Variants in SLC14A2 observed in about 807,000 individuals in gnomAD.
SLC14A2 encodes the protein solute carrier family 14 member 2.
A neutral mutation model predicts 104.6 loss-of-function variants in SLC14A2; 91 were observed. That is an observed-to-expected ratio of 0.87 (90% CI 0.73 to 1.04). The LOEUF is 1.04. Ranked by LOEUF, SLC14A2 falls within the 50% of genes least tolerant of loss-of-function variation. The probability of loss-of-function intolerance (pLI) is 0.00; values close to 1 mark genes in which losing one functional copy is unlikely to be tolerated. For synonymous variants in SLC14A2, 476 were observed against 466.4 expected (o/e 1.02, Z -0.27); for missense variants, 1,189 against 1,156.0 (o/e 1.03, Z -0.41).
chr18:45,334,482 A>G (rs547594296), intron 1 of SLC14A2, among the ~76,000 whole-genome samples: 2 of 152,300 alleles, frequency 1.3e-5, no homozygotes, highest in East Asian at 3.9e-4. Context: ...TTCCCATTAC[A>G]CCACCTGAAG....
At chr18:45,196,195 G>A in the SLC14A2 span, among the ~76,000 whole-genome samples, 1 of 152,224 alleles carries the variant, frequency 6.6e-6, no homozygotes, top group East Asian at 1.9e-4. Flanking sequence ...AATTCAGTAT[G>A]TACACAGAAA....
At chr18:45,453,112 A>C (rs902330639) in intron 1 of SLC14A2, among the ~76,000 whole-genome samples, 1 of 152,180 alleles carries the variant, frequency 6.6e-6, no homozygotes, top group Non-Finnish European at 1.5e-5. Flanking sequence ...TCTAGCCTTG[A>C]GGATATCTTC....
At chr18:45,651,657 G>A (rs4890568) in intron 10 of SLC14A2, among the ~76,000 whole-genome samples, 140,886 of 152,238 alleles carry the variant, frequency 0.93, 65,311 homozygotes, top group Middle Eastern at 0.96. Context: ...TAACCAGACC[G>A]GATTACCACT....
the SLC14A2 span, chr18:45,168,471 A>G: frequency 2.0e-5 from 3 of 152,212 alleles, no homozygotes; most frequent in Non-Finnish European, 2.9e-5. Context: ...AGTCATGCCT[A>G]TTCCTTAGAG....
At chr18:45,431,161 T>C (rs964952111) in intron 1 of SLC14A2, among the ~76,000 whole-genome samples, 1 of 152,240 alleles carries the variant, frequency 6.6e-6, no homozygotes, top group Non-Finnish European at 1.5e-5. Flanking sequence ...AATAGTTCTC[T>C]ATATGGTATT....
chr18:45,556,094 A>C (rs6507623), intron 2 of SLC14A2, among the ~76,000 whole-genome samples: 60,572 of 151,980 alleles, frequency 0.4, 12,263 homozygotes, highest in African/African-American at 0.46. Flanking sequence ...TCTGGGTTGC[A>C]GACTGCCATT....
At chr18:45,326,757 G>A (rs2085238639) in intron 1 of SLC14A2, among the ~76,000 whole-genome samples, 1 of 152,190 alleles carries the variant, frequency 6.6e-6, no homozygotes, top group African/African-American at 2.4e-5. Context: ...CAGGTTGGAT[G>A]AGTGGACTTA....
chr18:45,630,447 C>A (rs898743296), intron 4 of SLC14A2, among the ~76,000 whole-genome samples: 3 of 152,100 alleles, frequency 2.0e-5, no homozygotes, highest in Admixed American at 1.3e-4. Context: ...AACTGAAGGT[C>A]AACAACACCA....
intron 1 of SLC14A2, among the ~76,000 whole-genome samples, chr18:45,346,886 C>T (rs111734799): frequency 0.017 from 2,507 of 150,462 alleles, 58 homozygotes; most frequent in African/African-American, 0.053. Context: ...CACTTGAATC[C>T]GAGAGGCAGA....
chr18:45,359,622 A>G (rs2085590618), intron 1 of SLC14A2, among the ~76,000 whole-genome samples: 1 of 152,210 alleles, frequency 6.6e-6, no homozygotes. Flanking sequence ...ATTATCTCAC[A>G]GGCATCTCAG....
chr18:45,528,404 G>GGATCCTACC (rs1347951016), intron 2 of SLC14A2: 1 of 151,972 alleles, frequency 6.6e-6, no homozygotes, highest in Non-Finnish European at 1.5e-5. Context: ...TGACATCTCA[G>GGATCCTACC]GATCCTACCT....
At chr18:45,493,566 C>T (rs1238410774) in intron 2 of SLC14A2, among the ~76,000 whole-genome samples, 1 of 152,188 alleles carries the variant, frequency 6.6e-6, no homozygotes, top group Non-Finnish European at 1.5e-5. Context: ...TCCAAAGTTG[C>T]ATAGGTAGTC....
intron 1 of SLC14A2, among the ~76,000 whole-genome samples, chr18:45,267,834 G>A (rs897711135): frequency 7.2e-5 from 11 of 152,138 alleles, no homozygotes; most frequent in African/African-American, 2.7e-4. Context: ...ATGGAAACTG[G>A]ATCCTTAGCA....
At chr18:45,318,956 T>A (rs1022201501) in intron 1 of SLC14A2, among the ~76,000 whole-genome samples, 1 of 152,082 alleles carries the variant, frequency 6.6e-6, no homozygotes, top group African/African-American at 2.4e-5. Context: ...TCAAAGGGAC[T>A]AGAGAATCTG....
At chr18:45,199,477 CA>C in the SLC14A2 span, among the ~76,000 whole-genome samples, 10 of 152,044 alleles carry the variant, frequency 6.6e-5, no homozygotes, top group Admixed American at 6.6e-4. Flanking sequence ...TTTCATTTTA[CA>C]ATTTCATTAA....
intron 10 of SLC14A2, among the ~76,000 whole-genome samples, chr18:45,649,324 T>C (rs7238264): frequency 0.54 from 82,556 of 152,044 alleles, 23,197 homozygotes; most frequent in African/African-American, 0.69. Context: ...TTCACTATTC[T>C]CCTCCCCAGC....
At chr18:45,401,820 T>TA (rs1367943043) in intron 1 of SLC14A2, among the ~76,000 whole-genome samples, 2 of 152,172 alleles carry the variant, frequency 1.3e-5, no homozygotes, top group African/African-American at 2.4e-5. Context: ...ATACACTCCC[T>TA]AAGACCACTG....
At chr18:45,464,243 G>C (rs1482463987) in intron 1 of SLC14A2, among the ~76,000 whole-genome samples, 1 of 152,154 alleles carries the variant, frequency 6.6e-6, no homozygotes, top group African/African-American at 2.4e-5. Context: ...GTCTGATTTA[G>C]GGTAACTTAG....
intron 1 of SLC14A2, among the ~76,000 whole-genome samples, chr18:45,227,147 T>C (rs1227430542): frequency 2.0e-5 from 3 of 152,206 alleles, no homozygotes; most frequent in Non-Finnish European, 1.5e-5. Context: ...CTATGTGATA[T>C]TGGTGAGAAA....
Sources: allele counts gnomAD v4.1 joint callset (sites outside exome capture counted in the v4.1 genomes callset), GRCh38; gene constraint gnomAD v4.1.1; transcripts MANE v1.5; gene names NCBI Gene and HGNC (gene_info 2026-07-23, HGNC 2026-07-21).